The following ZNF280D variants were observed in gnomAD, a reference collection of about 807,000 sequenced individuals.
The protein encoded by ZNF280D is zinc finger protein 280D.
A neutral mutation model predicts 94.7 loss-of-function variants in ZNF280D; 39 were observed. The observed-to-expected ratio is 0.41, with a 90% CI of 0.32 to 0.54. The LOEUF (loss-of-function observed/expected upper bound fraction) is 0.54, where lower values mean the gene tolerates loss of function less well. Among genes scored for constraint, ZNF280D ranks in the 20% least tolerant of loss-of-function variants. The pLI, the probability that ZNF280D is intolerant of heterozygous loss-of-function variation, is 0.22. For missense variants in ZNF280D, 1,090 were observed against 1,149.3 expected, an observed-to-expected ratio of 0.95 and a Z score of 0.75; for synonymous variants, 398 against 377.6, an observed-to-expected ratio of 1.05 and a Z score of -0.63.
At chr15:56,669,994 ATATTATAT>A (rs1758077926) in intron 13 of ZNF280D, among the ~76,000 whole-genome samples, 1 of 1,902 alleles carries the variant, frequency 5.3e-4, no homozygotes, top group African/African-American at 1.1e-3. Context: ...TTATATATAT[ATATTATAT>A]ATATATAATA....
chr15:56,707,271 T>C lies in ZNF280D; in HGVS notation c.-50A>G, dbSNP rs2057465525. ...TTAACCTCTAAACTCACCATGTGAC[T>C]CCAGACAAGCCAGCAAGTTATTTCT... On this transcript the variant is annotated 5_prime_UTR_variant, in exon 2 of 22. Transcript: ENST00000267807. 6.5e-7 allele frequency: 1 copy of C among 1,540,722 alleles called. No homozygotes were observed. Among genetic ancestry groups the C allele is most frequent in the African/African-American group, 1.4e-5 (1 of 73,102 alleles).
intron 20 of ZNF280D, among the ~76,000 whole-genome samples, chr15:56,642,436 G>T (rs2052674150): frequency 6.6e-6 from 1 of 151,690 alleles, no homozygotes; most frequent in African/African-American, 2.4e-5. Flanking sequence ...AAGTAGTTGA[G>T]CAAAACTATT....
intron 19 of ZNF280D, among the ~76,000 whole-genome samples, chr15:56,648,227 T>C (rs2053010990): frequency 6.6e-6 from 1 of 152,148 alleles, no homozygotes; most frequent in Non-Finnish European, 1.5e-5. Flanking sequence ...TGAGTATCAC[T>C]GCTAAATTAA....
intron 1 of ZNF280D, among the ~76,000 whole-genome samples, chr15:56,719,252 C>T (rs1403878421): frequency 6.6e-6 from 1 of 152,064 alleles, no homozygotes; most frequent in Non-Finnish European, 1.5e-5. Context: ...GAGACAAATC[C>T]CTCACCAATG....
intron 19 of ZNF280D, chr15:56,652,951 T>C: frequency 1.1e-6 from 1 of 916,520 alleles, no homozygotes; most frequent in Non-Finnish European, 1.3e-6. Context: ...TAATATAATA[T>C]AAAAATAGAC....
At chr15:56,653,008 A>G in intron 19 of ZNF280D, 2 of 939,690 alleles carry the variant, frequency 2.1e-6, no homozygotes, top group Non-Finnish European at 2.5e-6. Context: ...AAACCAAGCT[A>G]TTAAATTAAT....
At chr15:56,713,666 C>A (rs2057891513) in intron 1 of ZNF280D, among the ~76,000 whole-genome samples, 1 of 152,030 alleles carries the variant, frequency 6.6e-6, no homozygotes, top group African/African-American at 2.4e-5. Context: ...TATTTCAAAC[C>A]CTGATTTTGT....
intron 10 of ZNF280D, among the ~76,000 whole-genome samples, chr15:56,680,139 T>G (rs1463345485): frequency 2.6e-5 from 4 of 152,184 alleles, no homozygotes; most frequent in Non-Finnish European, 5.9e-5. Flanking sequence ...CTAACTATTT[T>G]TAGTGACACT....
Position 56,631,806 on chromosome 15 carries a change from A to T in ZNF280D, c.2632T>A (p.Ser878Thr), listed in dbSNP as rs2052087818. 3.7e-6 allele frequency: 6 copies of T among 1,614,074 alleles called. No homozygotes were observed. Among genetic ancestry groups the T allele is most frequent in the Non-Finnish European group, 5.1e-6 (6 of 1,180,026 alleles). Residue 878 changes from serine (S) to threonine (T), a missense_variant, in exon 22 of 22, where the codon TCA becomes ACA. By Grantham distance (58) the Ser-to-Thr change is moderately conservative (BLOSUM62 1). This residue lies in a region of ZNF280D where 577 missense variants were observed against 568.8 expected (regional missense o/e 1.01). Transcript: ENST00000267807. ...DHNSSEARFS[S>T]KNIKDLRLAS... ...AATCGCAAATCCTTAATATTCTTTG[A>T]AGAAAATCTGGCTTCACTGGAGTTG...
chr15:56,631,868 G>A lies in ZNF280D; in HGVS notation c.2570C>T (p.Ser857Leu), dbSNP rs753832117. The A allele has an allele frequency of 3.5e-5, 56 of 1,613,596 alleles. No individual in the cohort carries two copies. Among genetic ancestry groups the A allele is most frequent in the Non-Finnish European group, 4.4e-5 (52 of 1,180,020 alleles). ...QEMELKMCQS[S>L]ENIILSDQIK... is the part of the protein sequence containing the mutation. ...CTGATCAGATAAGATTATGTTTTCTGAACTTTGGCACATCTTCAACTCCAT... is the reference window on the plus strand; with the variant it reads ...CTGATCAGATAAGATTATGTTTTCTAAACTTTGGCACATCTTCAACTCCAT... The change falls in exon 22 of 22, where the codon TCA becomes TTA. Residue 857 changes from serine (S) to leucine (L), a missense_variant. Ser to Leu is a moderately radical substitution (Grantham distance 145). Coordinates refer to ENST00000267807, the MANE Select transcript of ZNF280D (RefSeq NM_017661.4).
At chr15:56,708,047 T>C (rs1313151364) in intron 1 of ZNF280D, among the ~76,000 whole-genome samples, 2 of 152,150 alleles carry the variant, frequency 1.3e-5, no homozygotes, top group Non-Finnish European at 2.9e-5. Context: ...AACAAGCTTT[T>C]ATAAAACTGA....
At chr15:56,717,339 T>TA in intron 1 of ZNF280D, among the ~76,000 whole-genome samples, 1 of 152,224 alleles carries the variant, frequency 6.6e-6, no homozygotes, top group East Asian at 1.9e-4. Context: ...TTATTTAACC[T>TA]AAAAAACCTG....
chr15:56,639,332 C>A (rs1385930554), intron 20 of ZNF280D, among the ~76,000 whole-genome samples: 1 of 148,264 alleles, frequency 6.7e-6, no homozygotes, highest in African/African-American at 2.5e-5. Context: ...AGTGTCAGAA[C>A]AATGTCAGAA....
intron 19 of ZNF280D, among the ~76,000 whole-genome samples, chr15:56,651,336 T>A (rs1006995447): frequency 5.3e-5 from 8 of 152,174 alleles, no homozygotes; most frequent in African/African-American, 1.9e-4. Flanking sequence ...TCTGACCAGA[T>A]GAATAAACTA....
Position 56,631,771 on chromosome 15 carries a change from A to G in ZNF280D, c.2667T>C (p.Asp889=), listed in dbSNP as rs1305358500. ...TCAAAAACTGATCAATGCTTACATTATCTGATGCTAATCGCAAATCCTTAA... is the reference window on the plus strand; with the variant it reads ...TCAAAAACTGATCAATGCTTACATTGTCTGATGCTAATCGCAAATCCTTAA... ...KNIKDLRLAS[D]NVSIDQFLRK... Residue 889 remains aspartate (D), a synonymous_variant, in exon 22 of 22, where the codon GAT becomes GAC. Transcript: ENST00000267807. 1.2e-6 allele frequency: 2 copies of G among 1,614,062 alleles called. No homozygotes were observed. Among genetic ancestry groups the G allele is most frequent in the Non-Finnish European group, 1.7e-6 (2 of 1,180,026 alleles).
At chr15:56,727,483 T>G (rs1310196572) in intron 1 of ZNF280D, among the ~76,000 whole-genome samples, 4 of 151,962 alleles carry the variant, frequency 2.6e-5, no homozygotes, top group African/African-American at 9.7e-5. Flanking sequence ...AGAAAAAAGA[T>G]AGAAATTAAT....
chr15:56,655,164 A>G (rs1401372948), intron 17 of ZNF280D, among the ~76,000 whole-genome samples: 3 of 152,220 alleles, frequency 2.0e-5, no homozygotes, highest in Admixed American at 2.0e-4. Flanking sequence ...TGAACTAGCT[A>G]AAGTAGTTAA....
At chr15:56,722,125 T>C (rs1481528063) in intron 1 of ZNF280D, among the ~76,000 whole-genome samples, 16 of 152,148 alleles carry the variant, frequency 1.1e-4, no homozygotes, top group African/African-American at 3.9e-4. Context: ...GGTGGAGCAG[T>C]CAAAACACAC....
At chr15:56,674,211 T>A (rs2055063311) in intron 13 of ZNF280D, among the ~76,000 whole-genome samples, 1 of 152,026 alleles carries the variant, frequency 6.6e-6, no homozygotes, top group Admixed American at 6.6e-5. Flanking sequence ...AATATCTGCC[T>A]TTTCATTCAA....
Sources: allele counts gnomAD v4.1 joint callset (sites outside exome capture counted in the v4.1 genomes callset), GRCh38; gene constraint gnomAD v4.1.1; regional missense constraint gnomAD v4.1.1; transcripts MANE v1.5; gene names NCBI Gene and HGNC (gene_info 2026-07-23, HGNC 2026-07-21).